Variants in NCKAP1 observed in about 807,000 individuals in gnomAD.
The protein encoded by NCKAP1 is nck-associated protein 1.
NCKAP1 carries 21 observed loss-of-function variants against 151.2 expected under a neutral mutation model. The observed-to-expected ratio is 0.14, with a 90% CI of 0.10 to 0.20. The LOEUF (loss-of-function observed/expected upper bound fraction) is 0.20, where lower values mean the gene tolerates loss of function less well. Among genes scored for constraint, NCKAP1 ranks in the 10% least tolerant of loss-of-function variants. The pLI, the probability that NCKAP1 is intolerant of heterozygous loss-of-function variation, is 1.00. For missense variants in NCKAP1, 933 were observed against 1,352.1 expected, an observed-to-expected ratio of 0.69 and a Z score of 4.86; for synonymous variants, 484 against 451.8, an observed-to-expected ratio of 1.07 and a Z score of -0.90.
chr2:182,919,243 T>C lies in NCKAP1; in HGVS notation c.*6459A>G, dbSNP rs931534093. 6.6e-6 allele frequency: 1 copy of C among 152,270 alleles called. No homozygotes were observed. The highest frequency in any genetic ancestry group is 1.5e-5 in the Non-Finnish European group (1 of 68,044). The allele number at this position is 152,270 out of a possible 1,614,324, so 9.4% of individuals were successfully genotyped here. ...CCTAGCCATCACAAGTTCTGCCATC[T>C]GGGCCTTGCTTCAGACTGCAAAGAC... On this transcript the variant is annotated 3_prime_UTR_variant, in exon 31 of 31. Transcript: ENST00000361354.
chr2:182,960,338 A>G (rs1477913812), intron 18 of NCKAP1, among the ~76,000 whole-genome samples: 1 of 152,240 alleles, frequency 6.6e-6, no homozygotes, highest in Non-Finnish European at 1.5e-5. Flanking sequence ...ACTATATTAC[A>G]AGGCTACAGT....
chr2:182,967,175 T>A lies in NCKAP1; in HGVS notation c.1628+41A>T, dbSNP rs757490379. 5.8e-6 allele frequency: 9 copies of A among 1,562,668 alleles called. No individual in the cohort carries two copies. The South Asian group carries it at 1.1e-4, about 18-fold the overall frequency. On this transcript the variant is annotated intron_variant, in intron 16 of 30. Transcript: ENST00000361354. ...TAATCAAGAAACATATATCGCATAC[T>A]AAAACTTTCAAATCCAGATTTAGAG...
chr2:182,930,073 T>TA (rs1225163948), intron 27 of NCKAP1, among the ~76,000 whole-genome samples: 3 of 152,120 alleles, frequency 2.0e-5, no homozygotes, highest in Non-Finnish European at 4.4e-5. Flanking sequence ...TCCTCCATCT[T>TA]AAAAAAATCC....
chr2:182,964,814 T>G lies in NCKAP1; in HGVS notation c.1629-6A>C. 1 of 1,583,518 alleles carries G rather than the reference T, an allele frequency of 6.3e-7. No individual in the cohort carries two copies. The highest frequency in any genetic ancestry group is 8.6e-7 in the Non-Finnish European group (1 of 1,166,874). On this transcript the variant is annotated splice_region_variant and splice_polypyrimidine_tract_variant and intron_variant, in intron 16 of 30. Transcript: ENST00000361354. ...CAAAAGCACGACTATAAAAACTATA[T>G]AAACAAAAATCAGAATCACAATTTT...
chr2:182,952,696 A>T, intron 22 of NCKAP1, 97 bp downstream of exon 22: 3 of 1,323,560 alleles, frequency 2.3e-6, no homozygotes, highest in Non-Finnish European at 3.1e-6. Context: ...TAATTGAATG[A>T]AATAGTCACA....
At chr2:182,990,010 TTA>T (rs1374020231) in intron 8 of NCKAP1, among the ~76,000 whole-genome samples, 1 of 149,494 alleles carries the variant, frequency 6.7e-6, no homozygotes, top group African/African-American at 2.4e-5. Context: ...TATATATAAT[TTA>T]TATATATATA....
intron 13 of NCKAP1, among the ~76,000 whole-genome samples, chr2:182,981,028 T>A (rs1697926664): frequency 6.6e-6 from 1 of 152,246 alleles, no homozygotes; most frequent in South Asian, 2.1e-4. Flanking sequence ...TTTCCTTGTG[T>A]TCATTCTGAG....
At chr2:182,966,535 C>T (rs1697574795) in intron 16 of NCKAP1, among the ~76,000 whole-genome samples, 2 of 152,200 alleles carry the variant, frequency 1.3e-5, no homozygotes, top group Non-Finnish European at 2.9e-5. Flanking sequence ...GATTCACCCA[C>T]CTCGGCCTCC....
intron 1 of NCKAP1, among the ~76,000 whole-genome samples, chr2:183,027,403 C>T (rs1698918673): frequency 6.6e-6 from 1 of 152,098 alleles, no homozygotes; most frequent in Non-Finnish European, 1.5e-5. Flanking sequence ...TTTCTAAAAT[C>T]CACTTACTTG....
chr2:182,984,423 G>GGTGTGTGTGTGTGTGTGTGT lies in NCKAP1; in HGVS notation c.1005-1061_1005-1042dup, dbSNP rs4018678. ...AAGAAAGTTTTAGAATTTAGATTGG[G>GGTGTGTGTGTGTGTGTGTGT]GTGTGTGTGTGTGTGTGTGTGTGTG... is the stretch of plus-strand genomic sequence containing the variant. On this transcript the variant is annotated intron_variant, in intron 10 of 30. Coordinates refer to ENST00000361354, the MANE Select transcript of NCKAP1 (RefSeq NM_013436.5). Among the ~76,000 whole-genome samples the GGTGTGTGTGTGTGTGTGTGT allele has an allele frequency of 2.2e-3, 313 of 144,388 alleles. 4 individuals are homozygous for GGTGTGTGTGTGTGTGTGTGT. The highest frequency in any genetic ancestry group is 7.2e-3 in the Middle Eastern group (2 of 276). 94.7% of individuals were successfully genotyped at this position (144,388 alleles called of 152,430 possible).
chr2:183,030,898 TA>T (rs1264610669), intron 1 of NCKAP1, among the ~76,000 whole-genome samples: 1 of 152,208 alleles, frequency 6.6e-6, no homozygotes, highest in Admixed American at 6.5e-5. Context: ...GCTTTCCGAT[TA>T]TTTTTTTCCT....
intron 20 of NCKAP1, among the ~76,000 whole-genome samples, chr2:182,953,575 C>T (rs1056422727): frequency 1.3e-5 from 2 of 152,108 alleles, no homozygotes; most frequent in African/African-American, 4.8e-5. Flanking sequence ...ACGAGGCGGG[C>T]AGATGACTTG....
chr2:182,994,263 C>A (rs1698223098), intron 8 of NCKAP1, among the ~76,000 whole-genome samples: 1 of 152,066 alleles, frequency 6.6e-6, no homozygotes, highest in Admixed American at 6.6e-5. Context: ...AGCCCATGAG[C>A]CTTGGAGTTA....
chr2:182,981,105 G>A, intron 13 of NCKAP1, 139 bp downstream of exon 13: 1 of 1,066,416 alleles, frequency 9.4e-7, no homozygotes, highest in Non-Finnish European at 1.4e-6. Context: ...TTCCCTTCTA[G>A]GTAATGATCT....
chr2:182,911,676 T>A lies in NCKAP1; in HGVS notation c.*14026A>T, dbSNP rs921768439. 1.3e-5 allele frequency: 2 copies of A among 152,142 alleles called. No homozygotes were observed. The highest frequency in any genetic ancestry group is 4.8e-5 in the African/African-American group (2 of 41,446). The allele number at this position is 152,142 out of a possible 1,614,324, so 9.4% of individuals were successfully genotyped here. On this transcript the variant is annotated 3_prime_UTR_variant, in exon 31 of 31. Transcript: ENST00000361354. ...ATCCTTTTTTTTCTCCCAAGCTGTT[T>A]GAGCTTTTATGTTAACACCTATACT...
At chr2:182,941,241 T>C (rs1696988693) in intron 24 of NCKAP1, among the ~76,000 whole-genome samples, 1 of 151,302 alleles carries the variant, frequency 6.6e-6, no homozygotes, top group Non-Finnish European at 1.5e-5. Context: ...CAAAAGAAAA[T>C]AACATTAGAT....
At chr2:182,982,975 A>G in intron 11 of NCKAP1, 48 bp from the exon 12 acceptor site, 2 of 1,338,904 alleles carry the variant, frequency 1.5e-6, no homozygotes, top group Non-Finnish European at 1.0e-6. Flanking sequence ...GATTAAAAAC[A>G]AAACTGGTAA....
At chr2:182,950,927 G>A (rs572240884) in intron 23 of NCKAP1, among the ~76,000 whole-genome samples, 2 of 152,110 alleles carry the variant, frequency 1.3e-5, no homozygotes, top group East Asian at 3.9e-4. Flanking sequence ...CCGCCTCCCG[G>A]GTTCAAGTGA....
At chr2:182,937,046 C>T (rs1452257967) in intron 24 of NCKAP1, among the ~76,000 whole-genome samples, 3 of 127,052 alleles carry the variant, frequency 2.4e-5, no homozygotes, top group Non-Finnish European at 3.1e-5. Context: ...ACCCAGGAGG[C>T]GGAGGCTGCA....
Sources: allele counts gnomAD v4.1 joint callset (sites outside exome capture counted in the v4.1 genomes callset), GRCh38; gene constraint gnomAD v4.1.1; transcripts MANE v1.5; gene names NCBI Gene and HGNC (gene_info 2026-07-23, HGNC 2026-07-21).